Variants in NRXN3 observed in about 807,000 individuals in gnomAD.
NRXN3 encodes neurexin III.
In NRXN3, 32 loss-of-function variants were observed where a neutral mutation model predicts 137.6. The ratio of observed to expected loss-of-function variants is 0.23; its 90% CI spans 0.18 to 0.31. The LOEUF (loss-of-function observed/expected upper bound fraction) is 0.31. NRXN3 is among the 10% of genes least tolerant of loss of function. The pLI is 1.00. For missense variants in NRXN3, 1,574 were observed against 2,062.5 expected (o/e 0.76, Z 4.59); for synonymous variants, 798 against 784.5 (o/e 1.02, Z -0.29).
At chr14:79,706,922 T>A (rs974604726) in intron 19 of NRXN3, among the ~76,000 whole-genome samples, 9 of 152,118 alleles carry the variant, frequency 5.9e-5, no homozygotes. Flanking sequence ...CTTGGCCCCC[T>A]GGCACTCCAC....
chr14:78,679,535 T>TAA lies in NRXN3; in HGVS notation c.1221+28209_1221+28210insAA, dbSNP rs1264994665. Among the ~76,000 whole-genome samples, 4 of 152,212 alleles carry TAA rather than the reference T, an allele frequency of 2.6e-5. No individual in the cohort carries two copies. The East Asian group carries it at 7.7e-4, about 29-fold the overall frequency. ...ATTAATTTCAATTTGATGAATTAAC[T>TAA]TTAATAACATGCTAATGTATAGAAA... On this transcript the variant is annotated intron_variant, in intron 6 of 20. Transcript: ENST00000335750.
intron 19 of NRXN3, among the ~76,000 whole-genome samples, chr14:79,733,203 T>A (rs74065907): frequency 0.011 from 1,675 of 152,290 alleles, 16 homozygotes; most frequent in African/African-American, 0.038. Flanking sequence ...TAAATTTTTT[T>A]AAAAAAATGT....
chr14:78,738,291 C>G (rs1308535623), intron 8 of NRXN3, among the ~76,000 whole-genome samples: 1 of 152,214 alleles, frequency 6.6e-6, no homozygotes, highest in Non-Finnish European at 1.5e-5. Flanking sequence ...AAGGAGCCAG[C>G]AGTTTAGTGG....
At chr14:79,138,116 A>T (rs2058429204) in intron 15 of NRXN3, among the ~76,000 whole-genome samples, 1 of 152,212 alleles carries the variant, frequency 6.6e-6, no homozygotes, top group Non-Finnish European at 1.5e-5. Context: ...AGGACATGGG[A>T]ACAGGAATCA....
chr14:79,744,683 G>A (rs770854237), intron 19 of NRXN3, among the ~76,000 whole-genome samples: 1 of 152,216 alleles, frequency 6.6e-6, no homozygotes. Context: ...CATAAACACA[G>A]CTCTTGTGAT....
At chr14:79,114,344 T>G (rs537766950) in intron 15 of NRXN3, among the ~76,000 whole-genome samples, 1 of 152,258 alleles carries the variant, frequency 6.6e-6, no homozygotes, top group African/African-American at 2.4e-5. Context: ...GCAGGCATTC[T>G]CTCCAAGTAG....
chr14:79,370,444 G>T (rs1000935272), intron 15 of NRXN3, among the ~76,000 whole-genome samples: 1 of 150,768 alleles, frequency 6.6e-6, no homozygotes, highest in Non-Finnish European at 1.5e-5. Flanking sequence ...TCAGCCTCCC[G>T]AGTAGCTGGG....
At chr14:79,532,476 A>AT (rs1567410098) in intron 16 of NRXN3, among the ~76,000 whole-genome samples, 1 of 152,214 alleles carries the variant, frequency 6.6e-6, no homozygotes, top group East Asian at 1.9e-4. Flanking sequence ...AAAAGTCAGC[A>AT]TGAGACACAG....
intron 16 of NRXN3, among the ~76,000 whole-genome samples, chr14:79,538,127 T>A (rs897532620): frequency 6.6e-6 from 1 of 152,222 alleles, no homozygotes; most frequent in African/African-American, 2.4e-5. Context: ...TTGCCCACTT[T>A]TTGATGGGGT....
At chr14:79,659,192 G>GT (rs5809949) in intron 16 of NRXN3, among the ~76,000 whole-genome samples, 160 of 147,788 alleles carry the variant, frequency 1.1e-3, no homozygotes, top group Admixed American at 1.3e-3. Context: ...GTGCTGTTCA[G>GT]TTTTTTTTTT....
chr14:79,302,343 C>T (rs2085281711), intron 15 of NRXN3, among the ~76,000 whole-genome samples: 1 of 152,012 alleles, frequency 6.6e-6, no homozygotes, highest in Non-Finnish European at 1.5e-5. Context: ...GTTTTGCAGA[C>T]TGTACAAGCA....
At chr14:78,917,046 C>T (rs1477699433) in intron 10 of NRXN3, among the ~76,000 whole-genome samples, 1 of 152,130 alleles carries the variant, frequency 6.6e-6, no homozygotes, top group Non-Finnish European at 1.5e-5. Context: ...ACCCTATCTT[C>T]AAATATGGTA....
At chr14:79,828,747 G>C (rs2099313602) in intron 20 of NRXN3, among the ~76,000 whole-genome samples, 1 of 149,284 alleles carries the variant, frequency 6.7e-6, no homozygotes, top group Non-Finnish European at 1.5e-5. Context: ...GGCTCTCATA[G>C]TCTTAGAGAT....
At chr14:79,363,327 A>C (rs1389126269) in intron 15 of NRXN3, among the ~76,000 whole-genome samples, 1 of 152,198 alleles carries the variant, frequency 6.6e-6, no homozygotes, top group East Asian at 1.9e-4. Context: ...GATATTTCCT[A>C]GAGCAGTGTG....
rs574991682 is a variant in NRXN3, at chr14:79,555,363, G to A, written c.3444+87961G>A. 3.9e-4 allele frequency among the ~76,000 whole-genome samples: 59 copies of A among 152,190 alleles called. No homozygotes were observed. In the South Asian group the frequency reaches 0.012, roughly 32 times the overall value. ...CTGGCTACTTTATATACACTACTTG[G>A]TGTTTTATCCTGCAAAGTAACCCTA... On this transcript the variant is annotated intron_variant, in intron 16 of 20. Transcript: ENST00000335750.
intron 10 of NRXN3, among the ~76,000 whole-genome samples, chr14:78,818,917 G>A (rs1403725019): frequency 6.6e-6 from 1 of 152,094 alleles, no homozygotes; most frequent in East Asian, 1.9e-4. Flanking sequence ...ATCCAGATGA[G>A]TCTCTTATGG....
intron 15 of NRXN3, among the ~76,000 whole-genome samples, chr14:79,082,097 T>C (rs1374009284): frequency 6.6e-6 from 1 of 151,574 alleles, no homozygotes; most frequent in Non-Finnish European, 1.5e-5. Flanking sequence ...CACATACTTA[T>C]ATATACATAC....
chr14:78,213,880 C>T (rs186041187), intron 1 of NRXN3, among the ~76,000 whole-genome samples: 1 of 152,324 alleles, frequency 6.6e-6, no homozygotes, highest in Admixed American at 6.5e-5. Flanking sequence ...GAACTGTTGT[C>T]TGTTTATTCG....
intron 8 of NRXN3, among the ~76,000 whole-genome samples, chr14:78,725,370 A>G (rs1218357383): frequency 6.6e-6 from 1 of 152,238 alleles, no homozygotes; most frequent in Non-Finnish European, 1.5e-5. Flanking sequence ...AATTCTCCCC[A>G]TCCTGGAAAG....
Sources: allele counts gnomAD v4.1 joint callset (sites outside exome capture counted in the v4.1 genomes callset), GRCh38; gene constraint gnomAD v4.1.1; transcripts MANE v1.5; gene names NCBI Gene and HGNC (gene_info 2026-07-23, HGNC 2026-07-21).